NEXMIF: variants seen among roughly 807,000 people sequenced by gnomAD.
The protein encoded by NEXMIF is XLMR protein related to neurite extension.
A neutral mutation model predicts 62.1 loss-of-function variants in NEXMIF; 8 were observed. The observed-to-expected ratio is 0.13, with a 90% CI of 0.08 to 0.23. The LOEUF (loss-of-function observed/expected upper bound fraction) is 0.23, where lower values mean the gene tolerates loss of function less well. Ranked by LOEUF, NEXMIF falls within the 10% of genes least tolerant of loss-of-function variation. The pLI, the probability that NEXMIF is intolerant of heterozygous loss-of-function variation, is 1.00. For synonymous variants in NEXMIF, 404 were observed against 416.6 expected (o/e 0.97, Z 0.37); for missense variants, 976 against 1,113.3 (o/e 0.88, Z 1.75).
chrX:74,888,135 G>A (rs2080703615), intron 1 of NEXMIF, among the ~76,000 whole-genome samples: 1 of 109,222 alleles, frequency 9.2e-6, no homozygotes, highest in South Asian at 4.0e-4. Context: ...ACCTGGGACT[G>A]TTGTGGGGTG....
At chrX:74,883,573 A>C (rs6647075) in intron 1 of NEXMIF, among the ~76,000 whole-genome samples, 16,160 of 111,129 alleles carry the variant, frequency 0.15, 1,782 homozygotes, top group East Asian at 0.9. Context: ...GAATGAAATG[A>C]AGTGTGAAGA....
At chrX:74,857,656 C>A (rs1481885701) in intron 1 of NEXMIF, among the ~76,000 whole-genome samples, 1 of 111,723 alleles carries the variant, frequency 9.0e-6, no homozygotes, top group Non-Finnish European at 1.9e-5. Context: ...GGGAATTTTG[C>A]ACTTTAGGTA....
chrX:74,770,006 T>C (rs1325406084), intron 1 of NEXMIF, among the ~76,000 whole-genome samples: 1 of 111,772 alleles, frequency 8.9e-6, no homozygotes, highest in East Asian at 2.8e-4. Context: ...AGAAATTGTG[T>C]AGGGAAGCAA....
chrX:74,844,898 C>T (rs1343380072), intron 1 of NEXMIF, among the ~76,000 whole-genome samples: 3 of 112,087 alleles, frequency 2.7e-5, no homozygotes, highest in African/African-American at 9.7e-5. Context: ...CATCCAACAC[C>T]ATTTTTTTCA....
intron 1 of NEXMIF, among the ~76,000 whole-genome samples, chrX:74,805,392 T>C (rs1276354098): frequency 8.9e-6 from 1 of 112,152 alleles, no homozygotes; most frequent in Non-Finnish European, 1.9e-5. Flanking sequence ...TTAAGTTCCT[T>C]ATAGATTCTG....
intron 1 of NEXMIF, among the ~76,000 whole-genome samples, chrX:74,900,356 C>T (rs1424443651): frequency 6.6e-5 from 7 of 105,446 alleles, no homozygotes; most frequent in Non-Finnish European, 1.9e-5. Context: ...CCCAGCTACT[C>T]GGGAGGCTGA....
chrX:74,887,365 C>T (rs1156483732), intron 1 of NEXMIF, among the ~76,000 whole-genome samples: 3 of 110,677 alleles, frequency 2.7e-5, no homozygotes, highest in Non-Finnish European at 1.9e-5. Flanking sequence ...GAACAGGCAA[C>T]CTACAGAATG....
chrX:74,881,749 C>T (rs1384594230), intron 1 of NEXMIF, among the ~76,000 whole-genome samples: 3 of 86,558 alleles, frequency 3.5e-5, no homozygotes, highest in Non-Finnish European at 6.2e-5. Flanking sequence ...TTCCCACAGC[C>T]TGGCTCCAAT....
chrX:74,833,832 TAAAC>T (rs752486287), intron 1 of NEXMIF, among the ~76,000 whole-genome samples: 102 of 111,333 alleles, frequency 9.2e-4, no homozygotes, highest in Non-Finnish European at 1.5e-3. Flanking sequence ...ACTGATTACG[TAAAC>T]AAACAAACAC....
chrX:74,858,168 A>G (rs1028884660), intron 1 of NEXMIF, among the ~76,000 whole-genome samples: 5 of 111,799 alleles, frequency 4.5e-5, no homozygotes, highest in Non-Finnish European at 7.5e-5. Context: ...CCTTAAGAAA[A>G]CACAGGCAGT....
chrX:74,769,804 G>A (rs2080204576), intron 1 of NEXMIF: 1 of 464,179 alleles, frequency 2.2e-6, no homozygotes, highest in East Asian at 3.7e-5. Flanking sequence ...CCTTGGTACA[G>A]TATTATACTA....
chrX:74,824,815 AT>A (rs766526159), intron 1 of NEXMIF, among the ~76,000 whole-genome samples: 1 of 109,619 alleles, frequency 9.1e-6, no homozygotes, highest in African/African-American at 3.3e-5. Flanking sequence ...CGCCCAGCTA[AT>A]TTTTTTTATT....
intron 1 of NEXMIF, among the ~76,000 whole-genome samples, chrX:74,843,451 G>A (rs768070664): frequency 1.9e-5 from 2 of 108,066 alleles, no homozygotes; most frequent in Non-Finnish European, 3.8e-5. Context: ...GTCTTGCTCT[G>A]TTCCCCAGGC....
intron 1 of NEXMIF, among the ~76,000 whole-genome samples, chrX:74,796,532 G>C (rs374756996): frequency 1.2e-4 from 13 of 107,230 alleles, no homozygotes; most frequent in African/African-American, 4.4e-4. Flanking sequence ...GGCTAGGTCA[G>C]GGAAAACACA....
intron 1 of NEXMIF, among the ~76,000 whole-genome samples, chrX:74,808,989 C>A (rs148365324): frequency 3.7e-4 from 41 of 111,798 alleles, no homozygotes; most frequent in Middle Eastern, 9.3e-3. Flanking sequence ...GTCATTGGGG[C>A]TCTAGGCTTT....
chrX:74,778,658 A>G (rs759426817), intron 1 of NEXMIF, among the ~76,000 whole-genome samples: 1 of 112,143 alleles, frequency 8.9e-6, no homozygotes, highest in Non-Finnish European at 1.9e-5. Context: ...CCATCATTAT[A>G]GGCCAATATG....
intron 1 of NEXMIF, among the ~76,000 whole-genome samples, chrX:74,887,489 T>G (rs774053924): frequency 8.9e-6 from 1 of 111,983 alleles, no homozygotes; most frequent in Non-Finnish European, 1.9e-5. Context: ...GGGCGAAGGA[T>G]ATTAACAGAC....
intron 1 of NEXMIF, among the ~76,000 whole-genome samples, chrX:74,904,945 C>CT (rs1439015198): frequency 1.8e-5 from 2 of 111,324 alleles, no homozygotes; most frequent in Non-Finnish European, 3.8e-5. Context: ...TAGGTTAGCC[C>CT]AGCTGCCTAG....
At chrX:74,835,864 C>T (rs1476306897) in intron 1 of NEXMIF, among the ~76,000 whole-genome samples, 3 of 112,064 alleles carry the variant, frequency 2.7e-5, no homozygotes, top group Non-Finnish European at 5.6e-5. Flanking sequence ...ACAAGTTCCT[C>T]CATGCCACAA....
Sources: allele counts gnomAD v4.1 joint callset (sites outside exome capture counted in the v4.1 genomes callset), GRCh38; gene constraint gnomAD v4.1.1; transcripts MANE v1.5; gene names NCBI Gene and HGNC (gene_info 2026-07-23, HGNC 2026-07-21).